CAPN12: variants seen among roughly 807,000 people sequenced by gnomAD.
The protein encoded by CAPN12 is calpain-12.
CAPN12 carries 107 observed loss-of-function variants against 95.0 expected under a neutral mutation model. The observed-to-expected ratio is 1.13, with a 90% CI of 0.96 to 1.32. CAPN12 has a LOEUF of 1.32. Ranked by LOEUF, CAPN12 falls within the 40% of genes most tolerant of loss-of-function variation. The pLI is 0.00. For synonymous variants in CAPN12, 505 were observed against 415.5 expected (o/e 1.22, Z -2.62); for missense variants, 1,136 against 997.8 (o/e 1.14, Z -1.87).
chr19:38,741,643 G>A (rs192525796), intron 4 of CAPN12, 134 bp downstream of exon 4: 10 of 1,072,356 alleles, frequency 9.3e-6, no homozygotes, highest in South Asian at 3.3e-5. Flanking sequence ...GGGTTCTGGC[G>A]GTTGTCACTT....
chr19:38,730,241 T>TA lies in CAPN12; in HGVS notation c.*610dup, dbSNP rs1239765171. 1 of 158,038 alleles carries TA rather than the reference T, an allele frequency of 6.3e-6. No individual in the cohort carries two copies. The highest frequency in any genetic ancestry group is 1.4e-5 in the Non-Finnish European group (1 of 71,452). The allele number at this position is 158,038 out of a possible 1,614,324, so 9.8% of individuals were successfully genotyped here. Reference sequence around the variant, plus strand: ...CTTACGGATTTATTATATAAATATATATTCACCTAGCAACATATCTCTGCC... The same window carrying TA: ...CTTACGGATTTATTATATAAATATATAATTCACCTAGCAACATATCTCTGCC... On this transcript the variant is annotated 3_prime_UTR_variant, in exon 21 of 21. Transcript: ENST00000328867.
At chr19:38,740,975 G>A (rs1970512672) in intron 4 of CAPN12, among the ~76,000 whole-genome samples, 1 of 152,122 alleles carries the variant, frequency 6.6e-6, no homozygotes, top group South Asian at 2.1e-4. Flanking sequence ...TTGAACCTCT[G>A]GTAGATGTCC....
chr19:38,735,443 G>C lies in CAPN12; in HGVS notation c.1627-14C>G, dbSNP rs367982222. The C allele has an allele frequency of 1.9e-6, 3 of 1,610,884 alleles. No individual in the cohort carries two copies. The highest frequency in any genetic ancestry group is 2.5e-6 in the Non-Finnish European group (3 of 1,179,134). On this transcript the variant is annotated splice_polypyrimidine_tract_variant and intron_variant, in intron 13 of 20. Coordinates refer to ENST00000328867, the MANE Select transcript of CAPN12 (RefSeq NM_144691.4). Reference sequence around the variant, plus strand: ...CAGGTAGGGGCCCTGCCGCATGGCGGAAGTTTAGCGCTGGCCAAGATCCCC... The same window carrying C: ...CAGGTAGGGGCCCTGCCGCATGGCGCAAGTTTAGCGCTGGCCAAGATCCCC...
At chr19:38,733,334 T>G in intron 18 of CAPN12, 1 of 220,432 alleles carries the variant, frequency 4.5e-6, no homozygotes, top group Non-Finnish European at 9.0e-6. Flanking sequence ...GTCAGTAGAG[T>G]GAGGATTCCA....
At position 38,738,519 on chromosome 19, in the gene CAPN12, C is replaced by A; in HGVS notation, c.805-16G>T. ...CCAGGAACACCTGGGGCAGCATCGT[C>A]AGTGGGGGTGATGCCTGGACATGGC... On this transcript the variant is annotated splice_polypyrimidine_tract_variant and intron_variant, in intron 6 of 20. Coordinates refer to ENST00000328867, the MANE Select transcript of CAPN12 (RefSeq NM_144691.4). The A allele has an allele frequency of 6.2e-7, 1 of 1,613,470 alleles. No individual in the cohort carries two copies.
chr19:38,735,453 G>T (rs1182680688), intron 13 of CAPN12, 24 bp from the exon 14 acceptor site: 2 of 1,610,778 alleles, frequency 1.2e-6, no homozygotes, highest in South Asian at 1.1e-5. Context: ...GAAGTTTAGC[G>T]CTGGCCAAGA....
In CAPN12 at chr19:38,737,264, C is replaced by A. The variant is rs752285817; in HGVS notation, c.1254G>T (p.Gly418=). ...GGACCGTGCACTTGGGCGTGCGGCC[C>A]CCCCGCGCTGGGCCCCGTGCCCCTG... The part of the protein sequence containing the change: ...GAAGARGPAR[G]GRTPKCTVLL... The change falls in exon 10 of 21, where the codon GGG becomes GGT. Residue 418 remains glycine (G), a synonymous_variant. Coordinates refer to ENST00000328867, the MANE Select transcript of CAPN12 (RefSeq NM_144691.4). 2.5e-5 allele frequency: 39 copies of A among 1,549,524 alleles called. No individual in the cohort carries two copies. The highest frequency in any genetic ancestry group is 2.9e-5 in the Non-Finnish European group (33 of 1,147,570).
intron 2 of CAPN12, among the ~76,000 whole-genome samples, 175 bp downstream of exon 2, chr19:38,742,850 CAAAAAAAA>C (rs11406594): frequency 1.3e-4 from 7 of 53,306 alleles, no homozygotes; most frequent in Non-Finnish European, 1.8e-4. Flanking sequence ...GACCCCATCT[CAAAAAAAA>C]AAAAAAAAAA....
At position 38,737,607 on chromosome 19, in the gene CAPN12, C is replaced by A; in HGVS notation, c.997G>T (p.Asp333Tyr). 6.2e-7 allele frequency: 1 copy of A among 1,608,900 alleles called. No homozygotes were observed. Among genetic ancestry groups the A allele is most frequent in the Admixed American group, 1.7e-5 (1 of 59,640 alleles). The change falls in exon 9 of 21, where the codon GAC (aspartate) becomes TAC (tyrosine). Residue 333 changes from aspartate to tyrosine, a missense_variant. Physicochemically the swap from Asp to Tyr is radical, Grantham distance 160. Coordinates refer to ENST00000328867, the MANE Select transcript of CAPN12 (RefSeq NM_144691.4). ...CTCAGCGAGCAGATCTGCACGGTGT[C>A]GAAATGGAGGAGGAAGTCCCGCAGC... ...MELRDFLLHF[D>Y]TVQICSLSPE...
rs1970664318 is a variant in CAPN12 at position 38,743,214 on chromosome 19, G to A, written c.238-112C>T. The stretch of plus-strand genomic sequence containing the variant: ...AAGGCCTGGAAGCCTGTGGGCAGGA[G>A]CATGGCTTCCCTGGGTCTCCAGAAG... On this transcript the variant is annotated intron_variant, in intron 1 of 20. Transcript: ENST00000328867. 6.4e-6 allele frequency: 8 copies of A among 1,249,158 alleles called. No homozygotes were observed. The South Asian group carries it at 7.5e-5, about 12-fold the overall frequency. 77.4% of individuals were successfully genotyped at this position (1,249,158 alleles called of 1,614,324 possible).
chr19:38,732,221 G>A (rs1396757132), intron 18 of CAPN12, among the ~76,000 whole-genome samples: 1 of 152,222 alleles, frequency 6.6e-6, no homozygotes, highest in Non-Finnish European at 1.5e-5. Flanking sequence ...GTGAGTCCTT[G>A]CTCCCTCACC....
intron 12 of CAPN12, 26 bp from the exon 13 acceptor site, chr19:38,735,570 G>GTGGGA (rs769455944): frequency 6.2e-7 from 1 of 1,606,436 alleles, no homozygotes; most frequent in African/African-American, 1.4e-5. Flanking sequence ...GGGAAGTGGG[G>GTGGGA]AGGGGGCTGT....
intron 1 of CAPN12, 59 bp downstream of exon 1, chr19:38,743,870 C>A: frequency 6.5e-7 from 1 of 1,533,318 alleles, no homozygotes; most frequent in Non-Finnish European, 9.0e-7. Flanking sequence ...ACCCAGGAGT[C>A]CATGCCTCCA....
chr19:38,733,596 G>A (rs1258554546), intron 18 of CAPN12, 107 bp downstream of exon 18: 3 of 1,005,218 alleles, frequency 3.0e-6, no homozygotes, highest in Non-Finnish European at 4.6e-6. Context: ...GTGGGCCTGT[G>A]GATGGCCACA....
At chr19:38,732,178 G>A (rs1038832395) in intron 18 of CAPN12, among the ~76,000 whole-genome samples, 3 of 152,222 alleles carry the variant, frequency 2.0e-5, no homozygotes, top group Non-Finnish European at 2.9e-5. Flanking sequence ...GGTGCCAGAT[G>A]CGTGAACACA....
At position 38,740,236 on chromosome 19, in the gene CAPN12, G is replaced by A. The variant is rs1970472891; in HGVS notation, c.561-17C>T. On this transcript the variant is annotated splice_polypyrimidine_tract_variant and intron_variant, in intron 4 of 20. Transcript: ENST00000328867. The stretch of plus-strand genomic sequence containing the variant: ...CCGTGGAGCCTGTGGGGGCAGATCT[G>A]GGGTGAGGGTTGAGGCAAGTACAAG... 1.3e-6 allele frequency: 2 copies of A among 1,585,184 alleles called. No homozygotes were observed. Among genetic ancestry groups the A allele is most frequent in the African/African-American group, 2.7e-5 (2 of 74,308 alleles).
In CAPN12 at chr19:38,738,342, G is replaced by A. The variant is rs1970342362; in HGVS notation, c.896C>T (p.Pro299Leu). 2.5e-6 allele frequency: 4 copies of A among 1,611,890 alleles called. No individual in the cohort carries two copies. Among genetic ancestry groups the A allele is most frequent in the Non-Finnish European group, 3.4e-6 (4 of 1,180,014 alleles). ...CTCGGTGGGGAGTGTGTCCCAGCGT[G>A]GGCAGCTGGAGAGACTGTGGTGTGA... ...EWTGAWSDSC[P>L]RWDTLPTECR... Residue 299 changes from proline (P) to leucine (L), a missense_variant, in exon 8 of 21, where the codon CCA (proline) becomes CTA (leucine). Coordinates refer to ENST00000328867, the MANE Select transcript of CAPN12 (RefSeq NM_144691.4).
chr19:38,735,312 G>A (rs1371007363), intron 14 of CAPN12, 58 bp downstream of exon 14: 2 of 1,495,608 alleles, frequency 1.3e-6, no homozygotes, highest in Non-Finnish European at 1.8e-6. Context: ...TGGGGGAAGG[G>A]GGGTCCCCAA....
Position 38,734,323 on chromosome 19 carries a change from A to C in CAPN12, c.1811T>G (p.Phe604Cys). The change falls in exon 16 of 21, where the codon TTC (phenylalanine) becomes TGC (cysteine). Residue 604 changes from phenylalanine to cysteine, a missense_variant. Phe to Cys is a radical substitution (Grantham distance 205). Transcript: ENST00000328867. ...LRTCEQLLQC[F>C]GHGQSLALHH... ...CAGGCACTGCCCCCCATGTACCCCG[A>C]AACACTGCAGCAGCTGCTCACAGGT... is the stretch of plus-strand genomic sequence containing the variant. The C allele has an allele frequency of 6.2e-7, 1 of 1,607,958 alleles. No homozygotes were observed. Among genetic ancestry groups the C allele is most frequent in the Non-Finnish European group, 8.5e-7 (1 of 1,176,794 alleles).
Sources: allele counts gnomAD v4.1 joint callset (sites outside exome capture counted in the v4.1 genomes callset), GRCh38; gene constraint gnomAD v4.1.1; transcripts MANE v1.5; gene names NCBI Gene and HGNC (gene_info 2026-07-23, HGNC 2026-07-21).